The following VPS13B variants were observed in gnomAD, a reference collection of about 807,000 sequenced individuals.
VPS13B encodes the protein vacuolar protein sorting 13 homolog B.
VPS13B carries 285 observed loss-of-function variants against 426.4 expected under a neutral mutation model. That is an observed-to-expected ratio of 0.67 (90% CI 0.61 to 0.74). VPS13B has a LOEUF of 0.74. VPS13B is among the 30% of genes least tolerant of loss of function. VPS13B has a pLI of 0.00. For missense variants in VPS13B, 4,537 were observed against 4,782.6 expected (o/e 0.95, Z 1.51); for synonymous variants, 1,676 against 1,676.4 (o/e 1.00, Z 0.01).
At chr8:99,574,265 C>T (rs1452275211) in intron 31 of VPS13B, among the ~76,000 whole-genome samples, 4 of 152,170 alleles carry the variant, frequency 2.6e-5, no homozygotes, top group Non-Finnish European at 2.9e-5. Context: ...ATATGACTTC[C>T]TCTTTTCCTA....
At chr8:99,600,929 T>C (rs1209092934) in intron 33 of VPS13B, among the ~76,000 whole-genome samples, 2 of 152,160 alleles carry the variant, frequency 1.3e-5, no homozygotes, top group Non-Finnish European at 2.9e-5. Context: ...TAAATAAAAA[T>C]GTTAGACTGG....
chr8:99,395,837 G>C (rs572339462), intron 21 of VPS13B, among the ~76,000 whole-genome samples: 9 of 152,176 alleles, frequency 5.9e-5, no homozygotes, highest in South Asian at 2.1e-4. Flanking sequence ...TGTTAAAACA[G>C]GTGTCATAAC....
At position 99,717,383 on chromosome 8, in the gene VPS13B, T is replaced by C. The variant is rs1391115677; in HGVS notation, c.6657+10T>C. 6.2e-7 allele frequency: 1 copy of C among 1,611,442 alleles called. No individual in the cohort carries two copies. The highest frequency in any genetic ancestry group is 1.7e-5 in the Admixed American group (1 of 59,886). On this transcript the variant is annotated intron_variant, in intron 37 of 61. Transcript: ENST00000357162. ...AGGAGGTCTACTACAGGTCTGTGGG[T>C]ATTGGCCATATTTTTTTCATAGGTT...
At chr8:99,191,603 C>T (rs375605267) in intron 16 of VPS13B, among the ~76,000 whole-genome samples, 5 of 151,736 alleles carry the variant, frequency 3.3e-5, no homozygotes, top group African/African-American at 9.7e-5. Flanking sequence ...AGGCTGGTCT[C>T]GAACTCCTGA....
At chr8:99,652,228 G>A (rs916745627) in intron 34 of VPS13B, among the ~76,000 whole-genome samples, 1 of 152,040 alleles carries the variant, frequency 6.6e-6, no homozygotes, top group Admixed American at 6.6e-5. Flanking sequence ...TTTTAATCCT[G>A]ATTCTACTCC....
At chr8:99,864,418 C>A (rs1816991355) in intron 58 of VPS13B, among the ~76,000 whole-genome samples, 1 of 152,086 alleles carries the variant, frequency 6.6e-6, no homozygotes, top group Non-Finnish European at 1.5e-5. Context: ...ATTAGCCAGG[C>A]ATGGTGGCAC....
At chr8:99,857,969 T>C (rs767830391) in intron 56 of VPS13B, among the ~76,000 whole-genome samples, 9 of 152,198 alleles carry the variant, frequency 5.9e-5, no homozygotes, top group Non-Finnish European at 1.3e-4. Context: ...AGAGCGTCCC[T>C]CTCTTCGTGG....
At chr8:99,569,980 CTTTG>C (rs922026816) in intron 31 of VPS13B, among the ~76,000 whole-genome samples, 8 of 152,104 alleles carry the variant, frequency 5.3e-5, no homozygotes, top group African/African-American at 1.7e-4. Context: ...TATACCATTT[CTTTG>C]TTTATGTGGA....
chr8:99,419,366 C>T (rs1008167496), intron 21 of VPS13B, among the ~76,000 whole-genome samples: 1 of 152,096 alleles, frequency 6.6e-6, no homozygotes, highest in African/African-American at 2.4e-5. Context: ...TTATAAATTA[C>T]CCAGTCTCAG....
chr8:99,720,796 C>T (rs969179243), intron 38 of VPS13B, 67 bp from the exon 39 acceptor site: 2 of 1,438,096 alleles, frequency 1.4e-6, no homozygotes, highest in Non-Finnish European at 1.9e-6. Context: ...TTTCTTCTTC[C>T]TTTACTTTTT....
At chr8:99,224,205 G>T (rs1588152971) in intron 17 of VPS13B, among the ~76,000 whole-genome samples, 1 of 152,094 alleles carries the variant, frequency 6.6e-6, no homozygotes. Context: ...TATGCAGATG[G>T]GTTTTTTTTC....
At chr8:99,054,941 G>T (rs1843754049) in intron 3 of VPS13B, among the ~76,000 whole-genome samples, 1 of 151,834 alleles carries the variant, frequency 6.6e-6, no homozygotes, top group South Asian at 2.1e-4. Context: ...CCATTGGTTT[G>T]TGTGTGTGTT....
At chr8:99,712,680 A>G (rs1392737630) in intron 36 of VPS13B, among the ~76,000 whole-genome samples, 1 of 151,592 alleles carries the variant, frequency 6.6e-6, no homozygotes, top group Non-Finnish European at 1.5e-5. Context: ...AATTCTGTGC[A>G]ATTTTACTGA....
Position 99,868,320 on chromosome 8 carries a change from G to A in VPS13B, c.11247G>A (p.Met3749Ile). Residue 3749 changes from methionine to isoleucine, a missense_variant, in exon 59 of 62, where the codon ATG (methionine) becomes ATA (isoleucine). This residue lies in a region of VPS13B where 4,311 missense variants were observed against 4,474.3 expected (regional missense o/e 0.96). Transcript: ENST00000357162. ...GAIAGIVDQP[M>I]QNFQKTSEAQ... is the part of the protein sequence containing the mutation. ...TTGCTGGTATAGTTGATCAGCCGATGCAGAACTTCCAGAAAACATCTGAGG... is the reference window on the plus strand; with the variant it reads ...TTGCTGGTATAGTTGATCAGCCGATACAGAACTTCCAGAAAACATCTGAGG... The A allele has an allele frequency of 1.2e-6, 2 of 1,614,176 alleles. No homozygotes were observed. Among genetic ancestry groups the A allele is most frequent in the Non-Finnish European group, 1.7e-6 (2 of 1,180,042 alleles).
chr8:99,039,345 GATTT>G (rs1842875877), intron 3 of VPS13B, among the ~76,000 whole-genome samples: 1 of 151,870 alleles, frequency 6.6e-6, no homozygotes, highest in African/African-American at 2.4e-5. Flanking sequence ...TCTTTTTTCA[GATTT>G]ATTTATTTCT....
intron 16 of VPS13B, among the ~76,000 whole-genome samples, chr8:99,190,156 A>G (rs1430025766): frequency 1.3e-5 from 2 of 152,114 alleles, no homozygotes; most frequent in Admixed American, 6.5e-5. Flanking sequence ...CATTATGAAA[A>G]AAATCTCTCT....
At chr8:99,035,064 C>T (rs1054607637) in intron 2 of VPS13B, among the ~76,000 whole-genome samples, 8 of 150,020 alleles carry the variant, frequency 5.3e-5, no homozygotes, top group East Asian at 1.9e-4. Flanking sequence ...GGCGTGGTGA[C>T]GTGCATATAA....
chr8:99,122,851 G>A (rs1001182702), intron 8 of VPS13B, among the ~76,000 whole-genome samples: 1 of 151,846 alleles, frequency 6.6e-6, no homozygotes, highest in African/African-American at 2.4e-5. Flanking sequence ...GGTGGCTCAC[G>A]CCTGTAATCC....
At chr8:99,323,335 A>C (rs1588250543) in intron 19 of VPS13B, among the ~76,000 whole-genome samples, 1 of 152,206 alleles carries the variant, frequency 6.6e-6, no homozygotes, top group African/African-American at 2.4e-5. Flanking sequence ...CTGTCTCAAC[A>C]AAGGATAGAG....
Sources: allele counts gnomAD v4.1 joint callset (sites outside exome capture counted in the v4.1 genomes callset), GRCh38; gene constraint gnomAD v4.1.1; regional missense constraint gnomAD v4.1.1; transcripts MANE v1.5; gene names NCBI Gene and HGNC (gene_info 2026-07-23, HGNC 2026-07-21).